POU6F2: variants seen among roughly 807,000 people sequenced by gnomAD.
POU6F2 encodes the protein POU class 6 homeobox 2, also known as POU domain, class 6, transcription factor 2.
Under a neutral mutation model 71.3 loss-of-function variants are expected in POU6F2, and 31 were observed. That is an observed-to-expected ratio of 0.43 (90% CI 0.33 to 0.59). POU6F2 has a LOEUF of 0.59. POU6F2 is among the 20% of genes least tolerant of loss of function. The probability of loss-of-function intolerance (pLI) is 0.04; values close to 1 mark genes in which losing one functional copy is unlikely to be tolerated. For synonymous variants in POU6F2, 347 were observed against 355.7 expected (o/e 0.98, Z 0.27); for missense variants, 783 against 856.8 (o/e 0.91, Z 1.07).
At chr7:39,251,476 G>C (rs1376036711) in intron 4 of POU6F2, among the ~76,000 whole-genome samples, 1 of 152,144 alleles carries the variant, frequency 6.6e-6, no homozygotes. Flanking sequence ...GAGCTGGTTT[G>C]TTTGTTCTTT....
At chr7:39,400,428 G>A (rs1015409052) in intron 5 of POU6F2, among the ~76,000 whole-genome samples, 5 of 152,122 alleles carry the variant, frequency 3.3e-5, no homozygotes, top group Admixed American at 3.3e-4. Context: ...GCATCTGAAG[G>A]CTTTCTTCCA....
At chr7:39,214,137 C>T (rs373304994) in intron 4 of POU6F2, among the ~76,000 whole-genome samples, 1 of 152,186 alleles carries the variant, frequency 6.6e-6, no homozygotes, top group East Asian at 1.9e-4. Flanking sequence ...CCAAGACAGA[C>T]ATCTTGAATC....
At chr7:39,342,407 G>A (rs1175458698) in intron 5 of POU6F2, among the ~76,000 whole-genome samples, 6 of 152,172 alleles carry the variant, frequency 3.9e-5, no homozygotes, top group Non-Finnish European at 7.4e-5. Context: ...TCTTTATAAA[G>A]TGTTTTTGTT....
At chr7:39,088,424 A>C (rs1791299981) in intron 2 of POU6F2, among the ~76,000 whole-genome samples, 1 of 152,166 alleles carries the variant, frequency 6.6e-6, no homozygotes, top group African/African-American at 2.4e-5. Flanking sequence ...AACTTTGGTG[A>C]CACAATTTAA....
chr7:38,982,129 C>A (rs1235691958), intron 1 of POU6F2, among the ~76,000 whole-genome samples: 2 of 152,038 alleles, frequency 1.3e-5, no homozygotes, highest in African/African-American at 2.4e-5. Flanking sequence ...GATATTCGTG[C>A]CTTACATATA....
At chr7:39,044,274 A>T (rs926964206) in intron 1 of POU6F2, among the ~76,000 whole-genome samples, 1 of 151,964 alleles carries the variant, frequency 6.6e-6, no homozygotes, top group African/African-American at 2.4e-5. Context: ...AAACTAAAAA[A>T]TCCAAGTTTA....
Position 39,031,914 on chromosome 7 carries a change from A to G in POU6F2, c.105+53856A>G, listed in dbSNP as rs1262140341. 1.3e-5 allele frequency among the ~76,000 whole-genome samples: 2 copies of G among 152,050 alleles called. 1 individual carries two copies. Among genetic ancestry groups the G allele is most frequent in the Non-Finnish European group, 2.9e-5 (2 of 68,004 alleles). On this transcript the variant is annotated intron_variant, in intron 1 of 9. Transcript: ENST00000518318. ...AATTGCACGTGCCTTATAATGGGTA[A>G]GACTCAGAACTCCATGAGATTTACA... is the stretch of plus-strand genomic sequence containing the variant.
chr7:39,350,203 CT>C (rs999742358), intron 5 of POU6F2, among the ~76,000 whole-genome samples: 46 of 147,978 alleles, frequency 3.1e-4, no homozygotes, highest in East Asian at 5.9e-4. Context: ...TTAGAGATTC[CT>C]TTTTTTTTTT....
chr7:39,269,431 A>G lies in POU6F2; in HGVS notation c.598+61811A>G, dbSNP rs927811977. Among the ~76,000 whole-genome samples, 14 of 152,218 alleles carry G rather than the reference A, an allele frequency of 9.2e-5. 2 individuals carry two copies. Among genetic ancestry groups the G allele is most frequent in the Admixed American group, 9.2e-4 (14 of 15,284 alleles). On this transcript the variant is annotated intron_variant, in intron 4 of 9. Transcript: ENST00000518318. Reference sequence around the variant, plus strand: ...GCCTGGGACCCTCCCCAGTCCTGTGACAGCCCCCCAACACCCCCACCAGAT... The same window carrying G: ...GCCTGGGACCCTCCCCAGTCCTGTGGCAGCCCCCCAACACCCCCACCAGAT...
At chr7:39,374,854 T>A (rs982816642) in intron 5 of POU6F2, among the ~76,000 whole-genome samples, 1 of 152,202 alleles carries the variant, frequency 6.6e-6, no homozygotes, top group Non-Finnish European at 1.5e-5. Flanking sequence ...GTGAACCCAG[T>A]ATATTTTCTC....
rs1793249669 is a variant in POU6F2, at chr7:39,172,848, T to G, written c.278-31387T>G. Reference sequence around the variant, plus strand: ...GTTGCCCAGGCTGGTCTTGAACTCCTGGGCTCAAATGATCCACCCGCCTCG... The same window carrying G: ...GTTGCCCAGGCTGGTCTTGAACTCCGGGGCTCAAATGATCCACCCGCCTCG... On this transcript the variant is annotated intron_variant, in intron 2 of 9. Transcript: ENST00000518318. Among the ~76,000 whole-genome samples the G allele has an allele frequency of 2.0e-5, 3 of 152,150 alleles. No individual in the cohort carries two copies. In the South Asian group the frequency reaches 6.2e-4, roughly 32 times the overall value.
At chr7:39,181,269 T>A (rs1268140940) in intron 2 of POU6F2, among the ~76,000 whole-genome samples, 1 of 152,140 alleles carries the variant, frequency 6.6e-6, no homozygotes, top group Non-Finnish European at 1.5e-5. Context: ...ACCTTGCTCC[T>A]CTCTGATATG....
intron 4 of POU6F2, among the ~76,000 whole-genome samples, chr7:39,296,919 T>C (rs1157859298): frequency 6.6e-6 from 1 of 152,160 alleles, no homozygotes; most frequent in Non-Finnish European, 1.5e-5. Context: ...GCTCAGTGCA[T>C]TTATTTATTC....
chr7:39,148,527 A>G (rs1426164005), intron 2 of POU6F2, among the ~76,000 whole-genome samples: 1 of 151,682 alleles, frequency 6.6e-6, no homozygotes, highest in African/African-American at 2.4e-5. Context: ...AATGATGTTG[A>G]TGATGATAGT....
At chr7:39,251,736 A>G (rs1783922933) in intron 4 of POU6F2, among the ~76,000 whole-genome samples, 1 of 152,168 alleles carries the variant, frequency 6.6e-6, no homozygotes, top group Non-Finnish European at 1.5e-5. Flanking sequence ...GAGATGTTGC[A>G]CAAAGACACC....
At chr7:39,010,393 A>G (rs1307052693) in intron 1 of POU6F2, among the ~76,000 whole-genome samples, 4 of 148,750 alleles carry the variant, frequency 2.7e-5, no homozygotes, top group Non-Finnish European at 4.5e-5. Flanking sequence ...TTTTTATTGC[A>G]TCTATTTGAT....
chr7:39,388,464 C>T (rs762191112), intron 5 of POU6F2, among the ~76,000 whole-genome samples: 15 of 152,200 alleles, frequency 9.9e-5, no homozygotes, highest in Non-Finnish European at 1.9e-4. Flanking sequence ...TACAGGCTCC[C>T]GCCACCACTC....
rs193002361 is a variant in POU6F2, at chr7:39,297,542, C to T, written c.599-42100C>T. The stretch of plus-strand genomic sequence containing the variant: ...TTGCTTTAACATATATAATCATGGC[C>T]TGAATTAGTTTGCAAGACCACTGTG... On this transcript the variant is annotated intron_variant, in intron 4 of 9. Coordinates refer to ENST00000518318, the MANE Select transcript of POU6F2 (RefSeq NM_001370959.1). Among the ~76,000 whole-genome samples the T allele has an allele frequency of 1.0e-3, 158 of 152,262 alleles. 1 individual carries two copies. Among genetic ancestry groups the T allele is most frequent in the Admixed American group, 8.1e-3 (124 of 15,298 alleles).
intron 1 of POU6F2, among the ~76,000 whole-genome samples, chr7:38,985,127 C>T (rs1788429081): frequency 1.3e-5 from 2 of 152,092 alleles, no homozygotes; most frequent in African/African-American, 4.8e-5. Context: ...CAGTTCTTTT[C>T]CTCCAAATTG....
Sources: gnomAD v4.1 joint callset for allele counts (sites outside exome capture counted in the v4.1 genomes callset) on GRCh38, gnomAD v4.1.1 for gene constraint, MANE v1.5 for transcripts, NCBI Gene and HGNC (gene_info 2026-07-23, HGNC 2026-07-21) for gene names.